ATIC: variants seen among roughly 807,000 people sequenced by gnomAD.
ATIC encodes the protein 5-aminoimidazole-4-carboxamide ribonucleotide formyltransferase/IMP cyclohydrolase.
In ATIC, 64 loss-of-function variants were observed where a neutral mutation model predicts 72.5. That is an observed-to-expected ratio of 0.88 (90% CI 0.72 to 1.09). The LOEUF (loss-of-function observed/expected upper bound fraction) is 1.09. Ranked by LOEUF, ATIC falls within the 50% of genes least tolerant of loss-of-function variation. The pLI is 0.00. For missense variants in ATIC, 787 were observed against 732.4 expected (o/e 1.07, Z -0.86); for synonymous variants, 281 against 267.1 (o/e 1.05, Z -0.51).
At chr2:215,318,877 T>C (rs2052737820) in intron 3 of ATIC, among the ~76,000 whole-genome samples, 2 of 151,416 alleles carry the variant, frequency 1.3e-5, no homozygotes, top group African/African-American at 2.5e-5. Context: ...TTTTTAAATA[T>C]ATCTCTCTTT....
chr2:215,363,806 A>G, the ATIC span, among the ~76,000 whole-genome samples: 1 of 152,230 alleles, frequency 6.6e-6, no homozygotes, highest in Non-Finnish European at 1.5e-5. Flanking sequence ...ATCATATTAG[A>G]GAAAGGCTTA....
intron 2 of ATIC, among the ~76,000 whole-genome samples, chr2:215,317,557 C>T (rs766912136): frequency 1.6e-4 from 25 of 152,228 alleles, no homozygotes; most frequent in Non-Finnish European, 3.4e-4. Context: ...ATGATCTCGG[C>T]TCACTGCGAC....
intron 7 of ATIC, among the ~76,000 whole-genome samples, chr2:215,327,959 G>A (rs906845614): frequency 3.3e-5 from 5 of 150,674 alleles, no homozygotes; most frequent in Admixed American, 6.6e-5. Context: ...GTGCAGTGGC[G>A]CAATCTCTGG....
chr2:215,358,595 C>A, the ATIC span, among the ~76,000 whole-genome samples: 2 of 152,302 alleles, frequency 1.3e-5, no homozygotes, highest in South Asian at 4.1e-4. Context: ...AGACAAAACT[C>A]TATACTATGC....
intron 4 of ATIC, among the ~76,000 whole-genome samples, chr2:215,323,803 T>TCAAA (rs1289054375): frequency 6.6e-6 from 1 of 152,236 alleles, no homozygotes; most frequent in East Asian, 1.9e-4. Context: ...GATGGCGTTT[T>TCAAA]GCTCTTGTTG....
intron 4 of ATIC, among the ~76,000 whole-genome samples, chr2:215,320,096 G>A (rs2052751542): frequency 6.6e-6 from 1 of 152,134 alleles, no homozygotes; most frequent in African/African-American, 2.4e-5. Context: ...TCCTCCAAGT[G>A]TCATGTTGAC....
At position 215,336,047 on chromosome 2, in the gene ATIC, A is replaced by G; in HGVS notation, c.1021A>G (p.Ile341Val). Residue 341 changes from isoleucine to valine, a missense_variant, in exon 11 of 16, where the codon ATA (isoleucine) becomes GTA (valine). Transcript: ENST00000236959. ...AATATTTTTGCAGGTATCTGATGGT[A>G]TAATTGCCCCAGGATATGAAGAAGA... ...KIISREVSDGIIAPGYEEEAL... is the reference protein window; with the variant it reads ...KIISREVSDGVIAPGYEEEAL... 1.2e-6 allele frequency: 2 copies of G among 1,610,748 alleles called. No individual in the cohort carries two copies. Among genetic ancestry groups the G allele is most frequent in the South Asian group, 2.2e-5 (2 of 90,204 alleles).
chr2:215,368,372 C>G, the ATIC span, among the ~76,000 whole-genome samples: 1 of 152,210 alleles, frequency 6.6e-6, no homozygotes, highest in East Asian at 1.9e-4. Flanking sequence ...AATGATGCCT[C>G]TCCATTGGTA....
rs74268698 is a variant in ATIC at position 215,320,314 on chromosome 2, A to G, written c.290+583A>G. On this transcript the variant is annotated intron_variant, in intron 4 of 15. Transcript: ENST00000236959. ...ATCAGTGGTTCACAGAAGTTGTGCA[A>G]CCATTACTGTGTTAGTCTGTTCTGC... is the stretch of plus-strand genomic sequence containing the variant. 4.9e-4 allele frequency among the ~76,000 whole-genome samples: 75 copies of G among 152,320 alleles called. No individual in the cohort carries two copies. The East Asian group carries it at 0.014, about 28-fold the overall frequency.
chr2:215,365,505 G>A, the ATIC span: 5 of 1,613,780 alleles, frequency 3.1e-6, no homozygotes, highest in African/African-American at 1.3e-5. Context: ...GATGACATAC[G>A]AGGGTCACAC....
chr2:215,343,377 C>A (rs895090831), intron 12 of ATIC, among the ~76,000 whole-genome samples: 1 of 152,082 alleles, frequency 6.6e-6, no homozygotes, highest in Non-Finnish European at 1.5e-5. Context: ...CGCTCTGTCA[C>A]CTAGACTGGA....
chr2:215,345,097 C>T (rs1290748675), intron 13 of ATIC: 4 of 581,162 alleles, frequency 6.9e-6, no homozygotes, highest in Non-Finnish European at 1.2e-5. Context: ...CTGCTTCTTG[C>T]CTTGAATAGG....
intron 9 of ATIC, among the ~76,000 whole-genome samples, chr2:215,333,821 T>A (rs1174213006): frequency 6.6e-6 from 1 of 152,040 alleles, no homozygotes; most frequent in African/African-American, 2.4e-5. Context: ...GGCGGGCAGA[T>A]CACGAGGTCA....
At chr2:215,327,353 T>C (rs2052840297) in intron 7 of ATIC, among the ~76,000 whole-genome samples, 1 of 152,118 alleles carries the variant, frequency 6.6e-6, no homozygotes, top group Admixed American at 6.6e-5. Context: ...ATTCCAACCT[T>C]TTAGAATGCA....
At chr2:215,337,224 G>C (rs967754821) in intron 11 of ATIC, among the ~76,000 whole-genome samples, 4 of 151,754 alleles carry the variant, frequency 2.6e-5, no homozygotes, top group African/African-American at 9.7e-5. Flanking sequence ...TCATAGTATT[G>C]ATATCAGAAC....
chr2:215,361,328 C>T, the ATIC span: 57 of 560,076 alleles, frequency 1.0e-4, no homozygotes, highest in African/African-American at 5.7e-4. Context: ...TTGAATACTT[C>T]GAAGCAGAAC....
chr2:215,325,882 A>T, intron 5 of ATIC, 105 bp from the exon 6 acceptor site: 1 of 1,407,312 alleles, frequency 7.1e-7, no homozygotes, highest in East Asian at 2.5e-5. Flanking sequence ...CCTGATTTTT[A>T]AGTCAGGAAT....
intron 4 of ATIC, 158 bp from the exon 5 acceptor site, chr2:215,325,083 C>T (rs1559269927): frequency 1.6e-6 from 1 of 621,198 alleles, no homozygotes; most frequent in Non-Finnish European, 2.9e-6. Context: ...CTTTTTAACA[C>T]ACTCGTTAGA....
At chr2:215,332,584 G>C (rs1465420962) in intron 8 of ATIC, 77 bp downstream of exon 8, 1 of 1,548,376 alleles carries the variant, frequency 6.5e-7, no homozygotes, top group Non-Finnish European at 8.8e-7. Flanking sequence ...ATATTAACAA[G>C]TTCTAATGTG....
Sources: allele counts gnomAD v4.1 joint callset (sites outside exome capture counted in the v4.1 genomes callset), GRCh38; gene constraint gnomAD v4.1.1; transcripts MANE v1.5; gene names NCBI Gene and HGNC (gene_info 2026-07-23, HGNC 2026-07-21).